Variants in PCBP3 observed in about 807,000 individuals in gnomAD.
PCBP3 encodes the protein poly(rC) binding protein 3, also known as poly(rC)-binding protein 3.
A neutral mutation model predicts 52.7 loss-of-function variants in PCBP3; 25 were observed. The ratio of observed to expected loss-of-function variants is 0.47; its 90% CI spans 0.35 to 0.66. The LOEUF is 0.66. Among genes scored for constraint, PCBP3 ranks in the 30% least tolerant of loss-of-function variants. PCBP3 has a pLI of 0.01. For synonymous variants in PCBP3, 162 were observed against 183.0 expected, an observed-to-expected ratio of 0.89 and a Z score of 0.93; for missense variants, 391 against 490.3, an observed-to-expected ratio of 0.80 and a Z score of 1.91.
At chr21:45,846,969 A>G (rs1782556722) in intron 4 of PCBP3, among the ~76,000 whole-genome samples, 1 of 152,124 alleles carries the variant, frequency 6.6e-6, no homozygotes, top group Non-Finnish European at 1.5e-5. Context: ...AACCATTTAC[A>G]TTTACTCATG....
chr21:45,644,268 G>GGCCGCGGC (rs2079107237), intron 1 of PCBP3, among the ~76,000 whole-genome samples: 1 of 151,608 alleles, frequency 6.6e-6, no homozygotes, highest in African/African-American at 2.4e-5. Context: ...ACCCCGGAGC[G>GGCCGCGGC]GCCGCGGCGG....
chr21:45,845,793 C>T (rs1213386007), intron 4 of PCBP3, among the ~76,000 whole-genome samples: 1 of 152,236 alleles, frequency 6.6e-6, no homozygotes, highest in African/African-American at 2.4e-5. Context: ...GGACTGTGCC[C>T]AGGAGGGAAT....
intron 4 of PCBP3, among the ~76,000 whole-genome samples, chr21:45,774,827 G>A (rs2090138269): frequency 6.6e-6 from 1 of 152,100 alleles, no homozygotes; most frequent in Non-Finnish European, 1.5e-5. Context: ...ATTGATTTCT[G>A]TATGTTAAAC....
At chr21:45,701,341 T>A (rs2083112595) in intron 2 of PCBP3, among the ~76,000 whole-genome samples, 1 of 152,202 alleles carries the variant, frequency 6.6e-6, no homozygotes, top group Admixed American at 6.5e-5. Context: ...TTGTGTTTCC[T>A]CTTCAAGCAC....
chr21:45,731,939 G>A (rs1287762347), intron 2 of PCBP3, among the ~76,000 whole-genome samples: 1 of 151,636 alleles, frequency 6.6e-6, no homozygotes, highest in Non-Finnish European at 1.5e-5. Context: ...AGAACAAAAG[G>A]CTTTTATATT....
chr21:45,803,398 C>T (rs1241232262), intron 4 of PCBP3, among the ~76,000 whole-genome samples: 1 of 152,198 alleles, frequency 6.6e-6, no homozygotes, highest in East Asian at 1.9e-4. Context: ...GGCATCCCCT[C>T]CTAGCAGCTG....
intron 5 of PCBP3, among the ~76,000 whole-genome samples, chr21:45,875,293 G>T (rs1470442011): frequency 6.6e-6 from 1 of 152,148 alleles, no homozygotes; most frequent in African/African-American, 2.4e-5. Flanking sequence ...CCTCCGTGCT[G>T]CGTGCTGCGG....
rs61265907 is a variant in PCBP3 at position 45,817,286 on chromosome 21, G to T, written c.-125-32675G>T. Among the ~76,000 whole-genome samples the T allele has an allele frequency of 0.011, 1,751 of 152,292 alleles. 36 individuals carry two copies. Among genetic ancestry groups the T allele is most frequent in the African/African-American group, 0.039 (1,633 of 41,576 alleles). ...TGGGTCTCAAGTGAACACCCTGGAT[G>T]CTGAGTGAGGGGCCTCCACTGTGGC... On this transcript the variant is annotated intron_variant, in intron 4 of 17. Coordinates refer to ENST00000681687, the MANE Select transcript of PCBP3 (RefSeq NM_001384156.1). This position sits in a 1 kb window ranked among gnomAD's most constrained non-coding sequence, Gnocchi z 4.3.
At chr21:45,774,356 C>G (rs1337258803) in intron 4 of PCBP3, among the ~76,000 whole-genome samples, 1 of 150,490 alleles carries the variant, frequency 6.6e-6, no homozygotes, top group Non-Finnish European at 1.5e-5. Context: ...CGCCACTGCA[C>G]TCCAGCCTGG....
chr21:45,776,466 C>A (rs1184895243), intron 4 of PCBP3, among the ~76,000 whole-genome samples: 2 of 144,882 alleles, frequency 1.4e-5, no homozygotes, highest in African/African-American at 2.5e-5. Flanking sequence ...ACTTGAGTCT[C>A]TCTTTCTCTC....
chr21:45,742,766 T>C (rs568368493), intron 3 of PCBP3, among the ~76,000 whole-genome samples: 2 of 152,352 alleles, frequency 1.3e-5, no homozygotes, highest in East Asian at 3.9e-4. Flanking sequence ...TGTATTTTAG[T>C]GTCTGTTTCT....
intron 5 of PCBP3, among the ~76,000 whole-genome samples, chr21:45,882,896 C>CAGCG (rs2095435573): frequency 6.6e-6 from 1 of 152,182 alleles, no homozygotes. Flanking sequence ...GTTCTTACAC[C>CAGCG]AGCGCCAAGT....
chr21:45,862,804 T>C (rs2094559970), intron 5 of PCBP3, among the ~76,000 whole-genome samples: 1 of 152,242 alleles, frequency 6.6e-6, no homozygotes, highest in Non-Finnish European at 1.5e-5. Flanking sequence ...GCATTCACAT[T>C]TCACTTCTGC....
chr21:45,739,593 C>CCCG (rs2086245615), intron 3 of PCBP3, among the ~76,000 whole-genome samples: 1 of 112,600 alleles, frequency 8.9e-6, no homozygotes, highest in Non-Finnish European at 1.9e-5. Flanking sequence ...GGTGCCCCCC[C>CCCG]CCATCTTCAT....
chr21:45,909,509 G>C (rs538625178), intron 10 of PCBP3, 23 bp downstream of exon 10: 1 of 1,609,046 alleles, frequency 6.2e-7, no homozygotes, highest in African/African-American at 1.3e-5. Flanking sequence ...TCCCAGCCTG[G>C]GCCGCTGCGG....
intron 4 of PCBP3, among the ~76,000 whole-genome samples, chr21:45,826,646 G>C (rs183550903): frequency 1.8e-3 from 272 of 152,232 alleles, no homozygotes; most frequent in Non-Finnish European, 3.1e-3. Context: ...GAAGAAGAAG[G>C]CCAGCCAGCC....
rs1009558630 is a variant in PCBP3 at position 45,904,122 on chromosome 21, A to G, written c.339+3009A>G. On this transcript the variant is annotated intron_variant, in intron 9 of 17. Coordinates refer to ENST00000681687, the MANE Select transcript of PCBP3 (RefSeq NM_001384156.1). The surrounding 1 kb of genome is among the most constrained non-coding windows in gnomAD (Gnocchi z 4.8). ...ATGTCATGGGAAGCAGCCGTAACCT[A>G]CGCTATTACGTAGGTTATGTAGGGC... Among the ~76,000 whole-genome samples the G allele has an allele frequency of 4.6e-5, 7 of 152,120 alleles. No individual in the cohort carries two copies. Among genetic ancestry groups the G allele is most frequent in the African/African-American group, 1.7e-4 (7 of 41,432 alleles).
chr21:45,704,969 T>C lies in PCBP3; in HGVS notation c.-199-30423T>C, dbSNP rs1279617377. Among the ~76,000 whole-genome samples the C allele has an allele frequency of 6.6e-6, 1 of 152,166 alleles. No individual in the cohort carries two copies. The highest frequency in any genetic ancestry group is 1.5e-5 in the Non-Finnish European group (1 of 68,008). On this transcript the variant is annotated intron_variant, in intron 2 of 17. Coordinates refer to ENST00000681687, the MANE Select transcript of PCBP3 (RefSeq NM_001384156.1). This position sits in a 1 kb window ranked among gnomAD's most constrained non-coding sequence, Gnocchi z 4.1. ...CTACCATTAGCCTCCACAGAGCCCA[T>C]CTTGGGGAGGTGTGCCTCTTTTTTC...
At chr21:45,678,880 A>G (rs941460201) in intron 2 of PCBP3, among the ~76,000 whole-genome samples, 4 of 152,090 alleles carry the variant, frequency 2.6e-5, no homozygotes, top group African/African-American at 4.8e-5. Context: ...ACAGCATCAC[A>G]TGCTACAGAG....
Sources: allele counts gnomAD v4.1 joint callset (sites outside exome capture counted in the v4.1 genomes callset), GRCh38; gene constraint gnomAD v4.1.1; non-coding constraint Gnocchi (gnomAD v3.1); transcripts MANE v1.5; gene names NCBI Gene and HGNC (gene_info 2026-07-23, HGNC 2026-07-21).